Variants in SVOP observed in about 807,000 individuals in gnomAD.
SVOP encodes synaptic vesicle 2-related protein.
SVOP carries 17 observed loss-of-function variants against 69.1 expected under a neutral mutation model. The ratio of observed to expected loss-of-function variants is 0.25; its 90% confidence interval spans 0.17 to 0.37. The LOEUF (loss-of-function observed/expected upper bound fraction) is 0.37. SVOP is among the 10% of genes least tolerant of loss of function. The pLI, the probability that SVOP is intolerant of heterozygous loss-of-function variation, is 1.00. For synonymous variants in SVOP, 238 were observed against 238.6 expected (o/e 1.00, Z 0.02); for missense variants, 435 against 597.5 (o/e 0.73, Z 2.84).
Position 108,918,108 on chromosome 12 carries a change from A to G in SVOP, c.1285T>C (p.Leu429=). ...ICVGRNVLTL[L]LFIARAFISG... ...ATAAACGCTCTTGCAATGAAGAGTA[A>G]CAGAGTGAGCACATTTCTAGGAGGA... The change falls in exon 14 of 16, where the codon TTA becomes CTA. Residue 429 remains leucine (L), a synonymous_variant. Coordinates refer to ENST00000610966, the MANE Select transcript of SVOP (RefSeq NM_018711.5). 6.4e-7 allele frequency: 1 copy of G among 1,572,662 alleles called. No individual in the cohort carries two copies. The highest frequency in any genetic ancestry group is 8.6e-7 in the Non-Finnish European group (1 of 1,158,740).
intron 11 of SVOP, 74 bp from the exon 12 acceptor site, chr12:108,922,871 C>T: frequency 9.8e-7 from 1 of 1,016,750 alleles, no homozygotes; most frequent in South Asian, 1.4e-5. Context: ...CTCCCCATAC[C>T]TCCTTCCCTG....
intron 1 of SVOP, among the ~76,000 whole-genome samples, chr12:109,006,791 C>T (rs1405161600): frequency 6.6e-6 from 1 of 152,146 alleles, no homozygotes; most frequent in Non-Finnish European, 1.5e-5. Flanking sequence ...ATAGGAAAGG[C>T]ACGCTGGCAG....
intron 8 of SVOP, among the ~76,000 whole-genome samples, chr12:108,940,557 C>T (rs1244112045): frequency 6.6e-6 from 1 of 152,202 alleles, no homozygotes; most frequent in Non-Finnish European, 1.5e-5. Context: ...ATCCTCCCAT[C>T]CCCAGTTATC....
chr12:108,987,568 A>T (rs1294221840), intron 1 of SVOP, among the ~76,000 whole-genome samples: 1 of 152,224 alleles, frequency 6.6e-6, no homozygotes, highest in Non-Finnish European at 1.5e-5. Context: ...CAAGCAATGC[A>T]CAAAGATTCC....
At chr12:108,976,567 A>G (rs1286509145) in intron 4 of SVOP, among the ~76,000 whole-genome samples, 1 of 150,476 alleles carries the variant, frequency 6.6e-6, no homozygotes, top group African/African-American at 2.4e-5. Context: ...TGTGATTATC[A>G]TTATTATCCT....
chr12:108,932,434 T>C (rs2039826930), intron 11 of SVOP, among the ~76,000 whole-genome samples: 1 of 152,048 alleles, frequency 6.6e-6, no homozygotes, highest in African/African-American at 2.4e-5. Context: ...AGCAAGACCC[T>C]GTCTCAAAAA....
intron 6 of SVOP, 143 bp from the exon 7 acceptor site, chr12:108,945,309 T>C: frequency 1.3e-6 from 1 of 758,814 alleles, no homozygotes; most frequent in Non-Finnish European, 2.2e-6. Flanking sequence ...ATGATGTTGG[T>C]TAAATATACA....
chr12:108,988,993 G>C (rs554052531), intron 1 of SVOP, among the ~76,000 whole-genome samples: 3 of 151,958 alleles, frequency 2.0e-5, no homozygotes, highest in African/African-American at 7.2e-5. Flanking sequence ...GGCTGATCTC[G>C]AACTCCTGAC....
intron 6 of SVOP, among the ~76,000 whole-genome samples, chr12:108,956,744 C>T (rs1306739925): frequency 6.6e-6 from 1 of 152,094 alleles, no homozygotes; most frequent in Non-Finnish European, 1.5e-5. Flanking sequence ...TGCATGGGAC[C>T]CAAGGAGCCC....
chr12:108,999,873 A>G (rs1436263945), intron 1 of SVOP, among the ~76,000 whole-genome samples: 5 of 152,082 alleles, frequency 3.3e-5, no homozygotes, highest in African/African-American at 7.2e-5. Context: ...AAGATCCAAC[A>G]TTGACACCCT....
intron 1 of SVOP, among the ~76,000 whole-genome samples, chr12:109,003,310 C>T (rs1056678328): frequency 6.6e-6 from 1 of 152,210 alleles, no homozygotes; most frequent in African/African-American, 2.4e-5. Context: ...ACCTGGGCAT[C>T]TACTGCTCTT....
chr12:108,994,943 C>T (rs1204296552), intron 1 of SVOP, among the ~76,000 whole-genome samples: 1 of 152,090 alleles, frequency 6.6e-6, no homozygotes, highest in African/African-American at 2.4e-5. Flanking sequence ...GAGTTCAAGA[C>T]TAGCCTGGGC....
chr12:109,011,825 T>C (rs1371485448), intron 1 of SVOP, among the ~76,000 whole-genome samples: 2 of 152,092 alleles, frequency 1.3e-5, no homozygotes, highest in East Asian at 3.9e-4. Context: ...CTGGAGGACA[T>C]TGTGTTAAGT....
chr12:108,939,695 C>A (rs1311476671), intron 8 of SVOP, among the ~76,000 whole-genome samples: 1 of 152,152 alleles, frequency 6.6e-6, no homozygotes, highest in Non-Finnish European at 1.5e-5. Context: ...CAAATGCCCA[C>A]CAACATTCTG....
chr12:109,012,719 G>A (rs2040348884), intron 1 of SVOP, among the ~76,000 whole-genome samples: 1 of 152,104 alleles, frequency 6.6e-6, no homozygotes, highest in South Asian at 2.1e-4. Flanking sequence ...TTTGAGTCCA[G>A]GAGTTTGAGA....
intron 5 of SVOP, among the ~76,000 whole-genome samples, chr12:108,962,738 G>A (rs147679806): frequency 2.1e-4 from 32 of 152,258 alleles, no homozygotes; most frequent in Admixed American, 1.6e-3. Context: ...GGCTGAGGCC[G>A]GGGATCACTT....
intron 1 of SVOP, among the ~76,000 whole-genome samples, chr12:109,019,309 A>T (rs911773895): frequency 2.0e-5 from 3 of 152,176 alleles, no homozygotes; most frequent in Non-Finnish European, 2.9e-5. Context: ...TTAAAGAAGG[A>T]ATTGTCATGA....
intron 5 of SVOP, among the ~76,000 whole-genome samples, chr12:108,962,267 T>G (rs1218136364): frequency 6.6e-6 from 1 of 152,014 alleles, no homozygotes; most frequent in East Asian, 1.9e-4. Context: ...CCTGGCTAAT[T>G]TTTGTATATT....
At chr12:108,976,470 T>C (rs2040106810) in intron 4 of SVOP, among the ~76,000 whole-genome samples, 1 of 152,220 alleles carries the variant, frequency 6.6e-6, no homozygotes, top group South Asian at 2.1e-4. Context: ...TCTGTGAGGA[T>C]TAAAGAGCAC....
Sources: allele counts gnomAD v4.1 joint callset (sites outside exome capture counted in the v4.1 genomes callset), GRCh38; gene constraint gnomAD v4.1.1; transcripts MANE v1.5; gene names NCBI Gene and HGNC (gene_info 2026-07-23, HGNC 2026-07-21).